MTSS1: variants seen among roughly 807,000 people sequenced by gnomAD.
MTSS1 encodes the protein protein MTSS 1.
In MTSS1, 18 loss-of-function variants were observed where a neutral mutation model predicts 79.0. That is an observed-to-expected ratio of 0.23 (90% CI 0.16 to 0.34). The LOEUF (loss-of-function observed/expected upper bound fraction) is 0.34. Ranked by LOEUF, MTSS1 falls within the 10% of genes least tolerant of loss-of-function variation. The probability of loss-of-function intolerance (pLI) is 1.00; values close to 1 mark genes in which losing one functional copy is unlikely to be tolerated. For missense variants in MTSS1, 815 were observed against 986.2 expected (o/e 0.83, Z 2.33); for synonymous variants, 341 against 368.6 (o/e 0.93, Z 0.86).
At chr8:124,614,445 G>A (rs960299571) in intron 3 of MTSS1, among the ~76,000 whole-genome samples, 4 of 152,128 alleles carry the variant, frequency 2.6e-5, no homozygotes, top group African/African-American at 9.7e-5. Context: ...TGGAGACAGG[G>A]GACACTCACC....
chr8:124,704,291 G>T, intron 1 of MTSS1, 100 bp from the exon 2 acceptor site: 1 of 1,025,688 alleles, frequency 9.7e-7, no homozygotes, highest in South Asian at 1.3e-5. Flanking sequence ...AACAATCTGT[G>T]TATGTTCTCT....
intron 3 of MTSS1, among the ~76,000 whole-genome samples, chr8:124,687,503 G>A (rs1288661845): frequency 6.6e-6 from 1 of 152,218 alleles, no homozygotes; most frequent in African/African-American, 2.4e-5. Flanking sequence ...ATCCGGGCAA[G>A]CTCTCCCAGG....
chr8:124,693,675 T>G (rs1828323391), intron 3 of MTSS1, among the ~76,000 whole-genome samples: 1 of 152,162 alleles, frequency 6.6e-6, no homozygotes, highest in Non-Finnish European at 1.5e-5. Context: ...CTACACACAC[T>G]CCAAGTCTGA....
rs1822691285 is a variant in MTSS1, at chr8:124,552,556, T to C, written c.*436A>G. ...GTACATTAAAATAACTTGCATTTGC[T>C]TCTAAGCTAGACTACTACAATGCAT... On this transcript the variant is annotated 3_prime_UTR_variant, in exon 14 of 14. Coordinates refer to ENST00000518547, the MANE Select transcript of MTSS1 (RefSeq NM_014751.6). 1 of 169,250 alleles carries C rather than the reference T, an allele frequency of 5.9e-6. No homozygotes were observed. The highest frequency in any genetic ancestry group is 3.2e-3 in the Middle Eastern group (1 of 316). 10.5% of individuals were successfully genotyped at this position (169,250 alleles called of 1,614,324 possible).
At chr8:124,699,494 T>G (rs781121644) in intron 3 of MTSS1, 32 bp downstream of exon 3, 1 of 1,607,548 alleles carries the variant, frequency 6.2e-7, no homozygotes. Flanking sequence ...CAGAATGCAG[T>G]TAACACTGGG....
At chr8:124,640,879 T>C (rs2133986416) in intron 3 of MTSS1, among the ~76,000 whole-genome samples, 1 of 152,156 alleles carries the variant, frequency 6.6e-6, no homozygotes, top group East Asian at 1.9e-4. Flanking sequence ...ATCCCCTCTT[T>C]ATTTATACTG....
intron 3 of MTSS1, among the ~76,000 whole-genome samples, chr8:124,608,164 TTACTAG>T (rs1430218082): frequency 6.6e-6 from 1 of 151,980 alleles, no homozygotes; most frequent in African/African-American, 2.4e-5. Flanking sequence ...AATGAAGACT[TTACTAG>T]ATAACTCAAG....
Position 124,640,574 on chromosome 8 carries a change from C to T in MTSS1, c.209-49339G>A, listed in dbSNP as rs536202510. On this transcript the variant is annotated intron_variant, in intron 3 of 13. Transcript: ENST00000518547. ...TTGTTTTGTTTTTGAGATGGAGACT[C>T]GCTCTGTCACCCAGGCTGGAGTGCA... Among the ~76,000 whole-genome samples the T allele has an allele frequency of 5.2e-4, 79 of 152,250 alleles. No homozygotes were observed. The East Asian group carries it at 6.9e-3, about 13-fold the overall frequency.
chr8:124,649,765 C>G (rs1369739477), intron 3 of MTSS1, among the ~76,000 whole-genome samples: 1 of 152,118 alleles, frequency 6.6e-6, no homozygotes, highest in Non-Finnish European at 1.5e-5. Flanking sequence ...ACGCAAGGCT[C>G]TCTCTGTGTT....
intron 10 of MTSS1, chr8:124,558,622 T>C: frequency 7.0e-7 from 1 of 1,419,266 alleles, no homozygotes; most frequent in Middle Eastern, 2.5e-4. Context: ...ATTCTGAGCT[T>C]CCAGGTTGCC....
At chr8:124,628,455 T>A (rs1815189979) in intron 3 of MTSS1, among the ~76,000 whole-genome samples, 1 of 152,008 alleles carries the variant, frequency 6.6e-6, no homozygotes, top group Non-Finnish European at 1.5e-5. Context: ...GCATTTATGA[T>A]CCTTATTAGC....
intron 3 of MTSS1, among the ~76,000 whole-genome samples, chr8:124,621,840 C>T (rs187611428): frequency 6.6e-6 from 1 of 152,164 alleles, no homozygotes. Flanking sequence ...TGATCCACCA[C>T]GCCCAGCCCC....
chr8:124,718,033 G>A (rs922229854), intron 1 of MTSS1, among the ~76,000 whole-genome samples: 19 of 152,280 alleles, frequency 1.2e-4, no homozygotes, highest in South Asian at 4.1e-4. Flanking sequence ...ACGCCAGGCC[G>A]CTAAGTGAAG....
chr8:124,571,934 A>G (rs1827878842), intron 6 of MTSS1, among the ~76,000 whole-genome samples: 1 of 152,246 alleles, frequency 6.6e-6, no homozygotes, highest in Non-Finnish European at 1.5e-5. Flanking sequence ...ACTGCACTCC[A>G]GCCTGGGCGA....
chr8:124,594,851 T>C (rs1433915449), intron 3 of MTSS1, among the ~76,000 whole-genome samples: 1 of 152,188 alleles, frequency 6.6e-6, no homozygotes, highest in East Asian at 1.9e-4. Context: ...TTCCTAACCC[T>C]TGCAAGAACT....
chr8:124,593,442 A>G (rs1832204768), intron 3 of MTSS1, among the ~76,000 whole-genome samples: 1 of 152,256 alleles, frequency 6.6e-6, no homozygotes, highest in South Asian at 2.1e-4. Flanking sequence ...AGAGTGAAAG[A>G]AAGTCCTTAC....
chr8:124,634,286 G>T (rs567564421), intron 3 of MTSS1, among the ~76,000 whole-genome samples: 23,502 of 142,462 alleles, frequency 0.16, 1,999 homozygotes, highest in African/African-American at 0.26. Context: ...GTTTTTTTTT[G>T]TTGTTGTTGT....
chr8:124,721,385 T>C (rs1262848845), intron 1 of MTSS1, among the ~76,000 whole-genome samples: 1 of 72,066 alleles, frequency 1.4e-5, no homozygotes, highest in African/African-American at 4.6e-5. Context: ...TATGTTTCAG[T>C]TTATTTACTT....
intron 3 of MTSS1, among the ~76,000 whole-genome samples, chr8:124,685,182 CG>C (rs1393515601): frequency 1.3e-5 from 2 of 152,196 alleles, no homozygotes; most frequent in Non-Finnish European, 2.9e-5. Context: ...TTCATCATCC[CG>C]GTACGGGGCT....
Sources: allele counts gnomAD v4.1 joint callset (sites outside exome capture counted in the v4.1 genomes callset), GRCh38; gene constraint gnomAD v4.1.1; transcripts MANE v1.5; gene names NCBI Gene and HGNC (gene_info 2026-07-23, HGNC 2026-07-21).